MEGF10: variants seen among roughly 807,000 people sequenced by gnomAD.
MEGF10 encodes multiple EGF like domains 10.
A neutral mutation model predicts 147.5 loss-of-function variants in MEGF10; 86 were observed. The observed-to-expected ratio is 0.58, with a 90% CI of 0.49 to 0.70. The LOEUF (loss-of-function observed/expected upper bound fraction) is 0.70. Among genes scored for constraint, MEGF10 ranks in the 30% least tolerant of loss-of-function variants. MEGF10 has a pLI of 0.00. For synonymous variants in MEGF10, 478 were observed against 525.5 expected, an observed-to-expected ratio of 0.91 and a Z score of 1.24; for missense variants, 1,329 against 1,487.3, an observed-to-expected ratio of 0.89 and a Z score of 1.75.
intron 23 of MEGF10, 131 bp from the exon 24 acceptor site, chr5:127,455,270 A>G: frequency 1.2e-6 from 1 of 823,298 alleles, no homozygotes; most frequent in Non-Finnish European, 2.0e-6. Context: ...AACAAGTGGA[A>G]AAGGTACAGT....
rs41298322 is a variant in MEGF10, at chr5:127,454,401, G to A, written c.2981-165G>A. ...CCAAATGTGTGTGTGTTTAATTCTA[G>A]GCACTGGGGACATCTGGGACAACTG... On this transcript the variant is annotated intron_variant, in intron 22 of 24. Coordinates refer to ENST00000503335, the MANE Select transcript of MEGF10 (RefSeq NM_001256545.2). Among the ~76,000 whole-genome samples, 4,933 of 152,228 alleles carry A rather than the reference G, an allele frequency of 0.032. 84 individuals are homozygous for A. Among genetic ancestry groups the A allele is most frequent in the Middle Eastern group, 0.051 (15 of 294 alleles).
rs774153496 is a variant in MEGF10 at position 127,447,639 on chromosome 5, C to T, written c.2811C>T (p.Ala937=). 19 of 1,614,148 alleles carry T rather than the reference C, an allele frequency of 1.2e-5. No homozygotes were observed. In the Middle Eastern group the frequency reaches 4.9e-4, roughly 42 times the overall value. The part of the protein sequence containing the change: ...NPSYHTLTQC[A]TSPHVNNRDR... Reference sequence around the variant, plus strand: ...GTTACCACACGCTCACCCAGTGTGCCACATCCCCTCACGTCAACAACAGGG... The same window carrying T: ...GTTACCACACGCTCACCCAGTGTGCTACATCCCCTCACGTCAACAACAGGG... The change falls in exon 21 of 25, where the codon GCC becomes GCT. Residue 937 remains alanine (A), a synonymous_variant. Coordinates refer to ENST00000503335, the MANE Select transcript of MEGF10 (RefSeq NM_001256545.2).
chr5:127,444,342 A>G (rs546030352), intron 19 of MEGF10: 4 of 152,392 alleles, frequency 2.6e-5, no homozygotes, highest in African/African-American at 9.6e-5. Context: ...TTTGACTGTC[A>G]TAACAATAGA....
intron 1 of MEGF10, among the ~76,000 whole-genome samples, chr5:127,299,645 G>T (rs1301004253): frequency 6.6e-6 from 1 of 152,168 alleles, no homozygotes; most frequent in Non-Finnish European, 1.5e-5. Context: ...GAAAAAGTAT[G>T]TCATTCATTC....
intron 4 of MEGF10, among the ~76,000 whole-genome samples, chr5:127,364,633 C>T (rs760428578): frequency 8.5e-5 from 13 of 152,174 alleles, no homozygotes; most frequent in East Asian, 1.9e-4. Flanking sequence ...GAAAGCAAAA[C>T]GATTCCTGTG....
intron 12 of MEGF10, among the ~76,000 whole-genome samples, chr5:127,421,737 C>A (rs1765012869): frequency 6.6e-6 from 1 of 151,920 alleles, no homozygotes; most frequent in Non-Finnish European, 1.5e-5. Flanking sequence ...AGAAAAGTAA[C>A]AAAATATCTT....
At chr5:127,451,028 G>A (rs1194944582) in intron 22 of MEGF10, among the ~76,000 whole-genome samples, 10 of 152,110 alleles carry the variant, frequency 6.6e-5, no homozygotes, top group Non-Finnish European at 5.9e-5. Context: ...CAAAGTGCTG[G>A]GATTACAGGC....
Position 127,459,861 on chromosome 5 carries a change from T to C in MEGF10, c.*2543T>C, listed in dbSNP as rs975913546. On this transcript the variant is annotated 3_prime_UTR_variant, in exon 25 of 25. Transcript: ENST00000503335. Reference sequence around the variant, plus strand: ...CGTGTTACATTTGGAGAGGTCTTGTTGAGAAGGCAAAATTTTCTAAATATT... The same window carrying C: ...CGTGTTACATTTGGAGAGGTCTTGTCGAGAAGGCAAAATTTTCTAAATATT... 6.6e-6 allele frequency: 1 copy of C among 152,224 alleles called. No homozygotes were observed. The highest frequency in any genetic ancestry group is 1.5e-5 in the Non-Finnish European group (1 of 68,038). 9.4% of individuals were successfully genotyped at this position (152,224 alleles called of 1,614,324 possible).
chr5:127,327,054 A>G lies in MEGF10; in HGVS notation c.-18-4237A>G, dbSNP rs1001734529. Among the ~76,000 whole-genome samples, 3 of 152,222 alleles carry G rather than the reference A, an allele frequency of 2.0e-5. No individual in the cohort carries two copies. In the East Asian group the frequency reaches 5.8e-4, roughly 29 times the overall value. On this transcript the variant is annotated intron_variant, in intron 1 of 24. Coordinates refer to ENST00000503335, the MANE Select transcript of MEGF10 (RefSeq NM_001256545.2). Reference sequence around the variant, plus strand: ...CTCATCCATTGTAAGGATTTTATTCATCCTGATTATTTACTGAGGCTTTTG... The same window carrying G: ...CTCATCCATTGTAAGGATTTTATTCGTCCTGATTATTTACTGAGGCTTTTG...
intron 5 of MEGF10, among the ~76,000 whole-genome samples, chr5:127,393,393 G>A (rs1763777185): frequency 6.6e-6 from 1 of 152,232 alleles, no homozygotes; most frequent in Non-Finnish European, 1.5e-5. Context: ...CTTATATGCT[G>A]TAGACTGTGT....
chr5:127,438,635 C>G, intron 17 of MEGF10, 68 bp downstream of exon 17: 1 of 1,552,364 alleles, frequency 6.4e-7, no homozygotes, highest in Non-Finnish European at 8.8e-7. Flanking sequence ...CCTTACCCTC[C>G]GCATGCGTGA....
chr5:127,404,678 A>G (rs761041243), intron 8 of MEGF10, among the ~76,000 whole-genome samples: 1 of 151,994 alleles, frequency 6.6e-6, no homozygotes, highest in Non-Finnish European at 1.5e-5. Flanking sequence ...ATTGAAAACA[A>G]TTATTTGGAA....
At chr5:127,438,595 C>T in intron 17 of MEGF10, 28 bp downstream of exon 17, 2 of 1,610,938 alleles carry the variant, frequency 1.2e-6, no homozygotes, top group Non-Finnish European at 1.7e-6. Flanking sequence ...TGAGGCTCAC[C>T]AAGGGGAGCC....
chr5:127,393,399 T>G (rs1374731286), intron 5 of MEGF10, among the ~76,000 whole-genome samples: 2 of 152,250 alleles, frequency 1.3e-5, no homozygotes, highest in Admixed American at 6.5e-5. Context: ...TGCTGTAGAC[T>G]GTGTAACTCA....
chr5:127,379,437 C>G (rs1763167557), intron 5 of MEGF10, among the ~76,000 whole-genome samples: 1 of 152,148 alleles, frequency 6.6e-6, no homozygotes, highest in Non-Finnish European at 1.5e-5. Flanking sequence ...TTCCTGTTTC[C>G]CTGATGTCTT....
At chr5:127,348,310 CCCTGAAATGAAAAAG>C (rs1307813480) in intron 4 of MEGF10, among the ~76,000 whole-genome samples, 2 of 152,032 alleles carry the variant, frequency 1.3e-5, no homozygotes, top group African/African-American at 4.8e-5. Flanking sequence ...AGAAGAGTGT[CCCTGAAATGAAAAAG>C]CCTGCCTTCT....
chr5:127,450,601 T>G lies in MEGF10; in HGVS notation c.2980+1379T>G, dbSNP rs574563422. On this transcript the variant is annotated intron_variant, in intron 22 of 24. Coordinates refer to ENST00000503335, the MANE Select transcript of MEGF10 (RefSeq NM_001256545.2). ...TAGGTGCCAGAAATCCCAGTTAAAT[T>G]TGAATTTCAGATAGATAAGCAACAC... Among the ~76,000 whole-genome samples, 3 of 152,276 alleles carry G rather than the reference T, an allele frequency of 2.0e-5. No individual in the cohort carries two copies. In the South Asian group the frequency reaches 6.2e-4, roughly 32 times the overall value.
At chr5:127,233,840 C>T in the MEGF10 span, among the ~76,000 whole-genome samples, 1 of 152,008 alleles carries the variant, frequency 6.6e-6, no homozygotes, top group Non-Finnish European at 1.5e-5. Context: ...AGCAGGTGGC[C>T]CTAGTAATAG....
intron 1 of MEGF10, among the ~76,000 whole-genome samples, chr5:127,320,715 G>A (rs112481364): frequency 2.0e-3 from 302 of 152,268 alleles, no homozygotes; most frequent in African/African-American, 6.8e-3. Flanking sequence ...CAGTTTCCTC[G>A]CATTTTGCCT....
Sources: gnomAD v4.1 joint callset for allele counts (sites outside exome capture counted in the v4.1 genomes callset) on GRCh38, gnomAD v4.1.1 for gene constraint, MANE v1.5 for transcripts, NCBI Gene and HGNC (gene_info 2026-07-23, HGNC 2026-07-21) for gene names.